Variants in SLC41A2 observed in about 807,000 individuals in gnomAD.
SLC41A2 encodes solute carrier family 41 member 2.
SLC41A2 carries 32 observed loss-of-function variants against 58.3 expected under a neutral mutation model. That is an observed-to-expected ratio of 0.55 (90% CI 0.41 to 0.74). The LOEUF is 0.74. Among genes scored for constraint, SLC41A2 ranks in the 30% least tolerant of loss-of-function variants. The pLI is 0.00. For synonymous variants in SLC41A2, 190 were observed against 235.0 expected (o/e 0.81, Z 1.75); for missense variants, 514 against 680.6 (o/e 0.76, Z 2.72).
At chr12:104,923,409 T>C (rs1267591063) in intron 2 of SLC41A2, among the ~76,000 whole-genome samples, 1 of 146,638 alleles carries the variant, frequency 6.8e-6, no homozygotes, top group Non-Finnish European at 1.5e-5. Context: ...AACTTAACTA[T>C]GCACCCCAAG....
intron 2 of SLC41A2, among the ~76,000 whole-genome samples, chr12:104,922,789 T>C (rs943326796): frequency 6.6e-6 from 1 of 151,966 alleles, no homozygotes; most frequent in Non-Finnish European, 1.5e-5. Flanking sequence ...CACAAAATAT[T>C]CTCCACAAAT....
chr12:104,903,386 C>A (rs905036417), intron 3 of SLC41A2, among the ~76,000 whole-genome samples: 4 of 152,178 alleles, frequency 2.6e-5, no homozygotes, highest in Admixed American at 6.5e-5. Flanking sequence ...CTAAAATTGT[C>A]CCCCCTCACT....
intron 10 of SLC41A2, among the ~76,000 whole-genome samples, chr12:104,826,459 G>T (rs965248259): frequency 6.6e-6 from 1 of 152,156 alleles, no homozygotes; most frequent in Non-Finnish European, 1.5e-5. Context: ...GTCTCAGGAA[G>T]GCTGCAAGTG....
intron 10 of SLC41A2, among the ~76,000 whole-genome samples, chr12:104,825,463 G>A (rs2041806883): frequency 6.6e-6 from 1 of 152,166 alleles, no homozygotes; most frequent in Admixed American, 6.5e-5. Context: ...AGAATTAGAG[G>A]AACCCAGTTG....
chr12:104,863,321 G>A (rs2043282018), intron 7 of SLC41A2, among the ~76,000 whole-genome samples: 1 of 152,078 alleles, frequency 6.6e-6, no homozygotes, highest in African/African-American at 2.4e-5. Flanking sequence ...TGTAGTCCCG[G>A]CTGTTCAAGA....
intron 1 of SLC41A2, among the ~76,000 whole-genome samples, chr12:104,938,634 C>T (rs193170224): frequency 4.6e-5 from 7 of 152,206 alleles, no homozygotes; most frequent in Admixed American, 1.3e-4. Context: ...CCCAAGACAA[C>T]GACAGATGGA....
At chr12:104,896,624 A>G (rs2045296396) in intron 3 of SLC41A2, among the ~76,000 whole-genome samples, 1 of 152,238 alleles carries the variant, frequency 6.6e-6, no homozygotes, top group Non-Finnish European at 1.5e-5. Context: ...ATGAAAAAGT[A>G]TAAGACATCA....
At chr12:104,899,771 A>G (rs1278335457) in intron 3 of SLC41A2, among the ~76,000 whole-genome samples, 1 of 152,208 alleles carries the variant, frequency 6.6e-6, no homozygotes, top group Non-Finnish European at 1.5e-5. Flanking sequence ...ACTTTCTGCC[A>G]CTATAGCTAT....
intron 6 of SLC41A2, among the ~76,000 whole-genome samples, chr12:104,884,170 G>C (rs1336747827): frequency 1.3e-5 from 2 of 152,200 alleles, no homozygotes; most frequent in Non-Finnish European, 2.9e-5. Flanking sequence ...ATAATCTCCT[G>C]GTGTGCTGTT....
intron 6 of SLC41A2, among the ~76,000 whole-genome samples, chr12:104,878,297 TTTTATATA>T (rs1449014135): frequency 1.4e-4 from 9 of 64,150 alleles, no homozygotes; most frequent in African/African-American, 6.1e-4. Flanking sequence ...TATACCTGTA[TTTTATATA>T]TATATATATA....
chr12:104,934,865 C>T (rs1018017238), intron 1 of SLC41A2, among the ~76,000 whole-genome samples: 27 of 151,864 alleles, frequency 1.8e-4, no homozygotes, highest in African/African-American at 5.8e-4. Context: ...TTACAATGGG[C>T]GGTGGGGAGG....
chr12:104,878,035 T>A (rs899277309), intron 6 of SLC41A2, among the ~76,000 whole-genome samples: 15 of 151,920 alleles, frequency 9.9e-5, no homozygotes, highest in Non-Finnish European at 1.5e-4. Flanking sequence ...AATTAATTAA[T>A]TAAATAAAAT....
At chr12:104,920,436 TAAAAG>T (rs1218875771) in intron 2 of SLC41A2, among the ~76,000 whole-genome samples, 1 of 151,244 alleles carries the variant, frequency 6.6e-6, no homozygotes, top group African/African-American at 2.4e-5. Context: ...ATAATAAAAA[TAAAAG>T]AAAACAAATC....
intron 10 of SLC41A2, among the ~76,000 whole-genome samples, chr12:104,834,945 T>C (rs2042156911): frequency 6.6e-6 from 1 of 152,138 alleles, no homozygotes; most frequent in Non-Finnish European, 1.5e-5. Context: ...CTCCAAGGAA[T>C]GGAGTAAGGT....
chr12:104,877,916 C>G (rs544154170), intron 6 of SLC41A2, among the ~76,000 whole-genome samples: 59 of 151,908 alleles, frequency 3.9e-4, no homozygotes, highest in Admixed American at 6.6e-4. Context: ...GGCTGAGGCA[C>G]GACCATCACT....
At chr12:104,875,870 T>C (rs796457421) in intron 6 of SLC41A2, among the ~76,000 whole-genome samples, 6 of 152,304 alleles carry the variant, frequency 3.9e-5, no homozygotes, top group African/African-American at 1.4e-4. Context: ...AAGATAAGGA[T>C]TGGTACTATT....
At position 104,844,627 on chromosome 12, in the gene SLC41A2, T is replaced by C. The variant is rs2042537063; in HGVS notation, c.1388-7A>G. ...GCAGACTTATTATTTACTCCTGTAA[T>C]ATAAAATGTAAAAGTAATTAAAACA... On this transcript the variant is annotated splice_region_variant and splice_polypyrimidine_tract_variant and intron_variant, in intron 9 of 10. Transcript: ENST00000258538. 3 of 1,468,616 alleles carry C rather than the reference T, an allele frequency of 2.0e-6. No homozygotes were observed. Among genetic ancestry groups the C allele is most frequent in the Admixed American group, 5.0e-5 (2 of 40,232 alleles). The allele number at this position is 1,468,616 out of a possible 1,614,324, so 91.0% of individuals were successfully genotyped here. A position where few individuals can be genotyped will look rare whatever the true frequency, so the allele number is the denominator to read the frequency against.
intron 6 of SLC41A2, among the ~76,000 whole-genome samples, chr12:104,869,274 G>T (rs2043638376): frequency 6.6e-6 from 1 of 152,130 alleles, no homozygotes; most frequent in Non-Finnish European, 1.5e-5. Context: ...TTAAAAAAGT[G>T]AATTACATGG....
intron 10 of SLC41A2, among the ~76,000 whole-genome samples, chr12:104,841,197 A>G (rs551132257): frequency 6.6e-6 from 1 of 152,278 alleles, no homozygotes; most frequent in East Asian, 1.9e-4. Flanking sequence ...AAACCTTACA[A>G]TTTTAACTGA....
Sources: allele counts gnomAD v4.1 joint callset (sites outside exome capture counted in the v4.1 genomes callset), GRCh38; gene constraint gnomAD v4.1.1; transcripts MANE v1.5; gene names NCBI Gene and HGNC (gene_info 2026-07-23, HGNC 2026-07-21).